RUFY4: variants seen among roughly 807,000 people sequenced by gnomAD.
The protein encoded by RUFY4 is RUN and FYVE domain containing 4.
Under a neutral mutation model 69.0 loss-of-function variants are expected in RUFY4, and 73 were observed. The ratio of observed to expected loss-of-function variants is 1.06; its 90% CI spans 0.88 to 1.29. The LOEUF (loss-of-function observed/expected upper bound fraction) is 1.29. Among genes scored for constraint, RUFY4 ranks in the 50% most tolerant of loss-of-function variants. RUFY4 has a pLI of 0.00. For synonymous variants in RUFY4, 287 were observed against 271.8 expected (o/e 1.06, Z -0.55); for missense variants, 770 against 705.6 (o/e 1.09, Z -1.03).
At chr2:218,039,271 C>A (rs1959025673) in intron 2 of RUFY4, among the ~76,000 whole-genome samples, 2 of 152,062 alleles carry the variant, frequency 1.3e-5, no homozygotes, top group African/African-American at 4.8e-5. Flanking sequence ...TTTACACTAC[C>A]ATTAGAGGAT....
chr2:218,057,585 GATACAAT>G (rs111666423), intron 2 of RUFY4, among the ~76,000 whole-genome samples: 2,076 of 152,204 alleles, frequency 0.014, 44 homozygotes, highest in African/African-American at 0.046. Context: ...CTGTTTTAAG[GATACAAT>G]CCATTGTTTT....
At chr2:218,074,217 T>A (rs1473062852) in intron 6 of RUFY4, among the ~76,000 whole-genome samples, 1 of 152,040 alleles carries the variant, frequency 6.6e-6, no homozygotes, top group Non-Finnish European at 1.5e-5. Context: ...CTCTGCTGAG[T>A]CCCCTGCACT....
intron 3 of RUFY4, chr2:218,060,994 C>A (rs1178582558): frequency 5.1e-6 from 4 of 776,816 alleles, no homozygotes; most frequent in South Asian, 4.0e-5. Flanking sequence ...AGGTAACAGT[C>A]CATGCTGCGG....
chr2:218,080,970 G>A (rs1285678010), intron 8 of RUFY4, among the ~76,000 whole-genome samples: 1 of 152,226 alleles, frequency 6.6e-6, no homozygotes, highest in Non-Finnish European at 1.5e-5. Flanking sequence ...CTTGTAAAAT[G>A]AGGATTATAT....
intron 7 of RUFY4, 92 bp from the exon 10 acceptor site, chr2:218,076,335 G>C: frequency 6.7e-7 from 1 of 1,483,218 alleles, no homozygotes; most frequent in South Asian, 1.3e-5. Context: ...GCATGGCCTG[G>C]GGTCTCTCGG....
rs184206015 is a variant in RUFY4 at position 218,045,607 on chromosome 2, A to C, written c.-1158+10213A>C. 6.9e-3 allele frequency among the ~76,000 whole-genome samples: 1,047 copies of C among 151,354 alleles called. 11 individuals carry two copies. Among genetic ancestry groups the C allele is most frequent in the African/African-American group, 0.024 (984 of 41,250 alleles). On this transcript the variant is annotated intron_variant and NMD_transcript_variant, in intron 2 of 13. Coordinates refer to the RUFY4 transcript ENST00000457754. Reference sequence around the variant, plus strand: ...CAGTTAATTTAGCCTCATCTAATTAACTCTTTTGTTTTGTTTGATATTTTG... The same window carrying C: ...CAGTTAATTTAGCCTCATCTAATTACCTCTTTTGTTTTGTTTGATATTTTG...
At chr2:218,053,360 T>TG (rs1393163780) in intron 2 of RUFY4, among the ~76,000 whole-genome samples, 2 of 151,832 alleles carry the variant, frequency 1.3e-5, no homozygotes, top group Non-Finnish European at 2.9e-5. Context: ...TTTTTTTTTT[T>TG]TTTGAAACAG....
At chr2:218,043,899 C>G (rs186724792) in intron 2 of RUFY4, among the ~76,000 whole-genome samples, 4 of 152,334 alleles carry the variant, frequency 2.6e-5, no homozygotes, top group Admixed American at 6.5e-5. Context: ...GGCTTCCCTC[C>G]CATGCTTGTC....
At position 218,049,011 on chromosome 2, in the gene RUFY4, G is replaced by A. The variant is rs562136611; in HGVS notation, c.-1157-9584G>A. Among the ~76,000 whole-genome samples the A allele has an allele frequency of 4.6e-5, 7 of 152,328 alleles. 1 individual carries two copies. Among genetic ancestry groups the A allele is most frequent in the African/African-American group, 1.7e-4 (7 of 41,576 alleles). ...TAATCATGAATTTATCTTTCGAAGA[G>A]CATATTTTCATGTAATCTTGCATTT... On this transcript the variant is annotated intron_variant and NMD_transcript_variant, in intron 2 of 13. Transcript: ENST00000457754.
chr2:218,072,870 A>G, exon 4 of RUFY4: 1 of 1,532,736 alleles, frequency 6.5e-7, no homozygotes, highest in Non-Finnish European at 8.7e-7. Flanking sequence ...TGCCTCCTGA[A>G]CTCAGAGCTC....
At chr2:218,066,711 A>T (rs1689340916), upstream of RUFY4, among the ~76,000 whole-genome samples, 1 of 152,256 alleles carries the variant, frequency 6.6e-6, no homozygotes, top group African/African-American at 2.4e-5. Context: ...ACTAATTTGC[A>T]TTGCTGCAAT....
chr2:218,054,298 T>C (rs1689009710), intron 2 of RUFY4, among the ~76,000 whole-genome samples: 1 of 152,214 alleles, frequency 6.6e-6, no homozygotes, highest in South Asian at 2.1e-4. Context: ...CTCATGTCTG[T>C]AGTTCCAACA....
At chr2:218,074,403 C>G (rs1458782766) in intron 6 of RUFY4, among the ~76,000 whole-genome samples, 2 of 152,188 alleles carry the variant, frequency 1.3e-5, no homozygotes, top group African/African-American at 4.8e-5. Context: ...CTGCACAGGG[C>G]TCCTGGCTAC....
At chr2:218,089,891 C>T in intron 10 of RUFY4, 61 bp from the exon 13 acceptor site, 1 of 1,144,172 alleles carries the variant, frequency 8.7e-7, no homozygotes, top group Admixed American at 2.0e-5. Flanking sequence ...GACCTCAGCG[C>T]CCACTTGGGG....
intron 2 of RUFY4, among the ~76,000 whole-genome samples, chr2:218,044,938 T>C (rs936514641): frequency 6.6e-6 from 1 of 152,222 alleles, no homozygotes; most frequent in Admixed American, 6.5e-5. Flanking sequence ...AGGATTTCTA[T>C]TCCTTTGTGT....
chr2:218,039,554 G>A (rs1461204133), intron 2 of RUFY4, among the ~76,000 whole-genome samples: 1 of 152,248 alleles, frequency 6.6e-6, no homozygotes, highest in South Asian at 2.1e-4. Context: ...CTGCAGTATA[G>A]TAGGGTTCAT....
exon 1 of RUFY4, chr2:218,070,616 A>T (rs1574508446): frequency 2.0e-6 from 3 of 1,537,624 alleles, no homozygotes; most frequent in East Asian, 2.4e-5. Flanking sequence ...ATGGCAGAAG[A>T]GGGAGCCATC....
At chr2:218,055,601 G>T (rs1689043523) in intron 2 of RUFY4, among the ~76,000 whole-genome samples, 1 of 152,068 alleles carries the variant, frequency 6.6e-6, no homozygotes, top group Non-Finnish European at 1.5e-5. Context: ...TCTGTAGAAT[G>T]GACTGTATCT....
At chr2:218,089,345 T>G (rs765116825) in exon 10 of RUFY4, 4 of 1,613,900 alleles carry the variant, frequency 2.5e-6, no homozygotes, top group Non-Finnish European at 3.4e-6. Flanking sequence ...GCCGATTTTC[T>G]CGGCGGTATC....
Sources: gnomAD v4.1 joint callset for allele counts (sites outside exome capture counted in the v4.1 genomes callset) on GRCh38, gnomAD v4.1.1 for gene constraint, MANE v1.5 for transcripts, NCBI Gene and HGNC (gene_info 2026-07-23, HGNC 2026-07-21) for gene names.